The following CARS1 variants were observed in gnomAD, a reference collection of about 807,000 sequenced individuals.
The protein encoded by CARS1 is cysteine--tRNA ligase, cytoplasmic.
In CARS1, 48 loss-of-function variants were observed where a neutral mutation model predicts 106.2. The ratio of observed to expected loss-of-function variants is 0.45; its 90% CI spans 0.36 to 0.57. CARS1 has a LOEUF of 0.57. Ranked by LOEUF, CARS1 falls within the 20% of genes least tolerant of loss-of-function variation. The pLI, the probability that CARS1 is intolerant of heterozygous loss-of-function variation, is 0.00. For synonymous variants in CARS1, 409 were observed against 403.4 expected, an observed-to-expected ratio of 1.01 and a Z score of -0.17; for missense variants, 968 against 1,057.2, an observed-to-expected ratio of 0.92 and a Z score of 1.17.
intron 20 of CARS1, 150 bp from the exon 21 acceptor site, chr11:3,002,750 A>G: frequency 4.4e-6 from 6 of 1,356,096 alleles, no homozygotes; most frequent in Non-Finnish European, 6.0e-6. Flanking sequence ...TGGGGAGACA[A>G]GCCCATGTGC....
At chr11:3,036,887 C>A (rs1362541556) in intron 7 of CARS1, among the ~76,000 whole-genome samples, 1 of 151,920 alleles carries the variant, frequency 6.6e-6, no homozygotes, top group Admixed American at 6.6e-5. Flanking sequence ...CATGGGTCAA[C>A]CATGGGCACA....
In CARS1 at chr11:3,019,281, A is replaced by C; in HGVS notation, c.1267-14T>G. On this transcript the variant is annotated splice_polypyrimidine_tract_variant and intron_variant, in intron 11 of 22. Coordinates refer to ENST00000380525, the MANE Select transcript of CARS1 (RefSeq NM_001014437.3). This position sits in a 1 kb window ranked among gnomAD's most constrained non-coding sequence, Gnocchi z 6.2. ...GCCCGGACGACCCTGGAGAAAGCCG[A>C]ACACACAGTGACTGACCAGCCTACC... 2 of 1,405,548 alleles carry C rather than the reference A, an allele frequency of 1.4e-6. No individual in the cohort carries two copies. Among genetic ancestry groups the C allele is most frequent in the Non-Finnish European group, 1.9e-6 (2 of 1,071,468 alleles). 87.1% of individuals were successfully genotyped at this position (1,405,548 alleles called of 1,614,324 possible).
chr11:3,029,229 C>A lies in CARS1; in HGVS notation c.942+74G>T. 3 of 1,566,194 alleles carry A rather than the reference C, an allele frequency of 1.9e-6. No homozygotes were observed. The highest frequency in any genetic ancestry group is 2.6e-6 in the Non-Finnish European group (3 of 1,139,504). On this transcript the variant is annotated intron_variant, in intron 8 of 22. Coordinates refer to ENST00000380525, the MANE Select transcript of CARS1 (RefSeq NM_001014437.3). The surrounding 1 kb of genome is among the most constrained non-coding windows in gnomAD (Gnocchi z 5.9). ...GACTTGGCCGCTTAATTGAGCTGGC[C>A]TTGCCAAAACAGGAATTTAGAAATC...
intron 17 of CARS1, among the ~76,000 whole-genome samples, chr11:3,014,665 C>T (rs1361846952): frequency 6.6e-6 from 1 of 152,212 alleles, no homozygotes; most frequent in Non-Finnish European, 1.5e-5. Context: ...TTCTTAAAAG[C>T]ACCAAAGAAG....
intron 18 of CARS1, 97 bp from the exon 19 acceptor site, chr11:3,007,056 C>A: frequency 1.0e-6 from 1 of 1,003,318 alleles, no homozygotes; most frequent in Admixed American, 1.8e-5. Context: ...GGCCGTGGCC[C>A]ACAGAACAAG....
At chr11:3,024,421 T>C (rs438384) in intron 10 of CARS1, among the ~76,000 whole-genome samples, 50,202 of 151,926 alleles carry the variant, frequency 0.33, 10,148 homozygotes, top group East Asian at 0.63. Context: ...CCTGTCAGTG[T>C]TGGTATCTTT....
chr11:3,037,722 C>A lies in CARS1; in HGVS notation c.801+328G>T, dbSNP rs1225925926. ...GTGTGGGGAGAGTCCGCTGGAGAAT[C>A]TTGGAACACTTCGACAGAAGGCTGC... On this transcript the variant is annotated intron_variant, in intron 7 of 22. Coordinates refer to ENST00000380525, the MANE Select transcript of CARS1 (RefSeq NM_001014437.3). The surrounding 1 kb of genome is among the most constrained non-coding windows in gnomAD (Gnocchi z 5.9). Among the ~76,000 whole-genome samples, 1 of 152,206 alleles carries A rather than the reference C, an allele frequency of 6.6e-6. No individual in the cohort carries two copies. Among genetic ancestry groups the A allele is most frequent in the Non-Finnish European group, 1.5e-5 (1 of 68,028 alleles).
chr11:3,004,055 G>A lies in CARS1; in HGVS notation c.2217+1311C>T, dbSNP rs1849632316. The stretch of plus-strand genomic sequence containing the variant: ...CTGCCAGGGAGTGCAGCAAGCCAGG[G>A]CGTCTGCACAGCCAGCACCAGGCCA... On this transcript the variant is annotated intron_variant, in intron 20 of 22. Transcript: ENST00000380525. This position sits in a 1 kb window ranked among gnomAD's most constrained non-coding sequence, Gnocchi z 5.2. Among the ~76,000 whole-genome samples, 1 of 152,180 alleles carries A rather than the reference G, an allele frequency of 6.6e-6. No individual in the cohort carries two copies. The highest frequency in any genetic ancestry group is 2.1e-4 in the South Asian group (1 of 4,830).
In CARS1 at chr11:3,029,242, G is replaced by T. The variant is rs1852439013; in HGVS notation, c.942+61C>A. 6.3e-6 allele frequency: 10 copies of T among 1,587,198 alleles called. No homozygotes were observed. Among genetic ancestry groups the T allele is most frequent in the African/African-American group, 1.3e-5 (1 of 74,098 alleles). The stretch of plus-strand genomic sequence containing the variant: ...AATTGAGCTGGCCTTGCCAAAACAG[G>T]AATTTAGAAATCAGGGCCCTTAGCG... On this transcript the variant is annotated intron_variant, in intron 8 of 22. Transcript: ENST00000380525. This position sits in a 1 kb window ranked among gnomAD's most constrained non-coding sequence, Gnocchi z 5.9.
chr11:3,006,803 C>T, intron 19 of CARS1, 76 bp downstream of exon 19: 5 of 1,166,180 alleles, frequency 4.3e-6, no homozygotes, highest in Non-Finnish European at 3.9e-6. Context: ...AGCCTCAGCC[C>T]AGCCCCGGGA....
intron 17 of CARS1, among the ~76,000 whole-genome samples, chr11:3,015,446 G>C (rs1043867658): frequency 2.6e-5 from 4 of 152,248 alleles, no homozygotes; most frequent in Admixed American, 1.3e-4. Flanking sequence ...CAGTATATGT[G>C]ACGAAGTCAT....
intron 18 of CARS1, chr11:3,009,155 G>A (rs1224897452): frequency 6.6e-6 from 1 of 152,292 alleles, no homozygotes; most frequent in East Asian, 1.9e-4. Flanking sequence ...GGGATTTACT[G>A]AAGAGAAATG....
intron 9 of CARS1, chr11:3,027,181 A>T (rs1852173322): frequency 6.0e-6 from 1 of 167,278 alleles, no homozygotes. Context: ...AGATTACTCC[A>T]GTCTGGAATG....
chr11:3,054,765 T>G (rs1856030387), intron 1 of CARS1: 8 of 653,350 alleles, frequency 1.2e-5, no homozygotes, highest in Admixed American at 7.1e-5. Flanking sequence ...AGATAACAGA[T>G]GCAAAGCATT....
intron 7 of CARS1, among the ~76,000 whole-genome samples, chr11:3,035,442 C>T (rs1438987883): frequency 6.6e-6 from 1 of 152,176 alleles, no homozygotes; most frequent in Non-Finnish European, 1.5e-5. Flanking sequence ...AAATACACAG[C>T]ACACCCAAAA....
At chr11:3,010,961 C>A (rs1044276564) in intron 18 of CARS1, among the ~76,000 whole-genome samples, 2 of 152,332 alleles carry the variant, frequency 1.3e-5, no homozygotes, top group African/African-American at 4.8e-5. Flanking sequence ...AGACTTCCCA[C>A]CACACAGAGG....
At chr11:3,032,961 C>T (rs747145798) in intron 7 of CARS1, among the ~76,000 whole-genome samples, 2 of 151,490 alleles carry the variant, frequency 1.3e-5, no homozygotes, top group Non-Finnish European at 1.5e-5. Context: ...CTGGTGGGTG[C>T]GGATGCTGGG....
Position 3,040,877 on chromosome 11 carries a change from C to T in CARS1, c.455+19G>A. The T allele has an allele frequency of 6.2e-7, 1 of 1,610,096 alleles. No individual in the cohort carries two copies. The highest frequency in any genetic ancestry group is 8.5e-7 in the Non-Finnish European group (1 of 1,177,828). ...CGTGCAACTGCAGAAGCTGCAGGGA[C>T]ACCCCGCGGTGGACCTACCTGGCGT... On this transcript the variant is annotated intron_variant, in intron 4 of 22. Coordinates refer to ENST00000380525, the MANE Select transcript of CARS1 (RefSeq NM_001014437.3). The surrounding 1 kb of genome is among the most constrained non-coding windows in gnomAD (Gnocchi z 5.8).
rs1314370922 is a variant in CARS1, at chr11:3,026,757, A to AC, written c.1071dup (p.Phe358ValfsTer4). On this transcript the variant is annotated frameshift_variant, in exon 10 of 23. Coordinates refer to ENST00000380525, the MANE Select transcript of CARS1 (RefSeq NM_001014437.3). LOFTEE classifies it high-confidence loss of function. ...TAGGAGTGCTTCTCGCTAGAAGCAA[A>AC]CTTCGCTGTATCAAAGTAGACAGAC... is the stretch of plus-strand genomic sequence containing the variant. The AC allele has an allele frequency of 6.2e-7, 1 of 1,613,810 alleles. No homozygotes were observed. Among genetic ancestry groups the AC allele is most frequent in the Non-Finnish European group, 8.5e-7 (1 of 1,179,872 alleles).
Sources: gnomAD v4.1 joint callset for allele counts (sites outside exome capture counted in the v4.1 genomes callset) on GRCh38, gnomAD v4.1.1 for gene constraint, Gnocchi (gnomAD v3.1) non-coding constraint, MANE v1.5 for transcripts, NCBI Gene and HGNC (gene_info 2026-07-23, HGNC 2026-07-21) for gene names.